MEMO1: variants seen among roughly 807,000 people sequenced by gnomAD.
MEMO1 encodes the protein protein MEMO1.
A neutral mutation model predicts 45.2 loss-of-function variants in MEMO1; 6 were observed. The observed-to-expected ratio is 0.13, with a 90% confidence interval of 0.07 to 0.26. The LOEUF is 0.26. Among genes scored for constraint, MEMO1 ranks in the 10% least tolerant of loss-of-function variants. MEMO1 has a pLI of 1.00. For missense variants in MEMO1, 184 were observed against 370.5 expected (o/e 0.50, Z 4.13); for synonymous variants, 78 against 124.3 (o/e 0.63, Z 2.48).
At chr2:31,871,872 G>T (rs1298721721) in intron 8 of MEMO1, among the ~76,000 whole-genome samples, 1 of 151,996 alleles carries the variant, frequency 6.6e-6, no homozygotes, top group African/African-American at 2.4e-5. Flanking sequence ...AAATTAGCCA[G>T]TCATGGTGGC....
chr2:32,003,671 G>T (rs569954451), intron 2 of MEMO1, among the ~76,000 whole-genome samples: 3 of 152,290 alleles, frequency 2.0e-5, no homozygotes, highest in African/African-American at 7.2e-5. Flanking sequence ...GCACAGGAGG[G>T]TAACTTCATG....
At chr2:31,884,443 T>C (rs1024294693) in intron 7 of MEMO1, among the ~76,000 whole-genome samples, 5 of 152,174 alleles carry the variant, frequency 3.3e-5, no homozygotes, top group African/African-American at 7.2e-5. Context: ...ATGTGTCTTG[T>C]GCTTCACGTT....
chr2:31,983,275 A>T (rs1264151799), intron 2 of MEMO1, among the ~76,000 whole-genome samples: 8 of 152,140 alleles, frequency 5.3e-5, no homozygotes, highest in Admixed American at 2.0e-4. Flanking sequence ...AAATTTTTTT[A>T]AATCTTAATA....
chr2:31,946,887 C>T (rs985038100), intron 2 of MEMO1, among the ~76,000 whole-genome samples: 4 of 152,132 alleles, frequency 2.6e-5, no homozygotes, highest in Non-Finnish European at 5.9e-5. Flanking sequence ...TACCTTTTCC[C>T]TTTTCTATGT....
chr2:31,914,339 C>T (rs1681085338), intron 6 of MEMO1, among the ~76,000 whole-genome samples: 1 of 152,014 alleles, frequency 6.6e-6, no homozygotes, highest in South Asian at 2.1e-4. Flanking sequence ...AGGATGATTA[C>T]CAGAGGCTGG....
At chr2:31,959,882 T>C (rs751906927) in intron 2 of MEMO1, among the ~76,000 whole-genome samples, 5 of 152,338 alleles carry the variant, frequency 3.3e-5, no homozygotes, top group East Asian at 1.9e-4. Flanking sequence ...TGCACTCAAA[T>C]AGCAAACAAC....
intron 2 of MEMO1, among the ~76,000 whole-genome samples, chr2:31,976,597 T>C (rs577781242): frequency 6.6e-6 from 1 of 151,994 alleles, no homozygotes; most frequent in South Asian, 2.1e-4. Context: ...AGAAAGAATA[T>C]ATTTTCAGAA....
chr2:31,986,959 A>C (rs901832861), intron 2 of MEMO1, among the ~76,000 whole-genome samples: 2 of 152,226 alleles, frequency 1.3e-5, no homozygotes, highest in South Asian at 2.1e-4. Flanking sequence ...CCCTAAAGTA[A>C]AGAGTGTAGC....
chr2:31,917,705 A>G (rs1292327667), intron 6 of MEMO1, among the ~76,000 whole-genome samples: 1 of 152,198 alleles, frequency 6.6e-6, no homozygotes, highest in Admixed American at 6.5e-5. Flanking sequence ...TGGGTTTTTT[A>G]ATACTTCCAC....
chr2:31,890,171 G>A (rs1350969838), intron 7 of MEMO1, among the ~76,000 whole-genome samples: 1 of 152,102 alleles, frequency 6.6e-6, no homozygotes, highest in African/African-American at 2.4e-5. Context: ...ATATTGAAAT[G>A]TTTACTGACG....
intron 4 of MEMO1, among the ~76,000 whole-genome samples, chr2:31,921,869 T>G (rs891082325): frequency 1.3e-5 from 2 of 152,156 alleles, no homozygotes; most frequent in African/African-American, 4.8e-5. Context: ...ATTTGCACTG[T>G]AGTCTAAAGA....
chr2:31,872,718 A>C (rs562651023), intron 8 of MEMO1, among the ~76,000 whole-genome samples: 1 of 152,152 alleles, frequency 6.6e-6, no homozygotes, highest in Non-Finnish European at 1.5e-5. Flanking sequence ...AATGTACAAA[A>C]ATTTTAATTC....
chr2:31,899,192 T>G (rs1678380412), intron 6 of MEMO1, among the ~76,000 whole-genome samples: 1 of 152,112 alleles, frequency 6.6e-6, no homozygotes, highest in Admixed American at 6.5e-5. Context: ...TACTTTAAAT[T>G]TCATATGGAA....
At chr2:32,000,862 A>G (rs948872752) in intron 2 of MEMO1, among the ~76,000 whole-genome samples, 2 of 150,934 alleles carry the variant, frequency 1.3e-5, no homozygotes, top group Non-Finnish European at 2.9e-5. Flanking sequence ...TACTTTATCC[A>G]TCATCTGTCC....
At chr2:31,880,400 G>A (rs1454204630) in intron 8 of MEMO1, among the ~76,000 whole-genome samples, 1 of 152,124 alleles carries the variant, frequency 6.6e-6, no homozygotes, top group South Asian at 2.1e-4. Flanking sequence ...TAGCAACTAA[G>A]GTAAGTTTAA....
chr2:31,925,475 C>CAAAAAAAAAAAAAAAAAA (rs70964741), intron 4 of MEMO1, among the ~76,000 whole-genome samples: 6 of 79,220 alleles, frequency 7.6e-5, no homozygotes, highest in African/African-American at 2.1e-4. Flanking sequence ...GACTCCGTCT[C>CAAAAAAAAAAAAAAAAAA]AAAAAAAAAA....
At chr2:31,905,431 C>T (rs945126175) in intron 6 of MEMO1, among the ~76,000 whole-genome samples, 7 of 152,116 alleles carry the variant, frequency 4.6e-5, no homozygotes, top group Non-Finnish European at 8.8e-5. Context: ...TTAAATCTTT[C>T]CAAATTTCCA....
intron 8 of MEMO1, among the ~76,000 whole-genome samples, chr2:31,878,658 G>C (rs919245379): frequency 6.6e-6 from 1 of 151,900 alleles, no homozygotes; most frequent in Non-Finnish European, 1.5e-5. Flanking sequence ...TATATTTTTG[G>C]TGCAAAAAGC....
intron 6 of MEMO1, among the ~76,000 whole-genome samples, chr2:31,910,903 T>C (rs2148112079): frequency 6.6e-6 from 1 of 152,082 alleles, no homozygotes; most frequent in South Asian, 2.1e-4. Context: ...GTTGTAAATG[T>C]ATGCTGCAAA....
Sources: allele counts gnomAD v4.1 joint callset (sites outside exome capture counted in the v4.1 genomes callset), GRCh38; gene constraint gnomAD v4.1.1; transcripts MANE v1.5; gene names NCBI Gene and HGNC (gene_info 2026-07-23, HGNC 2026-07-21).